The following EIF4G3 variants were observed in gnomAD, a reference collection of about 807,000 sequenced individuals.
EIF4G3 encodes the protein eIF-4-gamma 3.
A neutral mutation model predicts 186.4 loss-of-function variants in EIF4G3; 34 were observed. The ratio of observed to expected loss-of-function variants is 0.18; its 90% CI spans 0.14 to 0.24. EIF4G3 has a LOEUF of 0.24. Among genes scored for constraint, EIF4G3 ranks in the 10% least tolerant of loss-of-function variants. EIF4G3 has a pLI of 1.00. For missense variants in EIF4G3, 1,536 were observed against 1,948.5 expected, an observed-to-expected ratio of 0.79 and a Z score of 3.99; for synonymous variants, 673 against 679.5, an observed-to-expected ratio of 0.99 and a Z score of 0.15.
intron 17 of EIF4G3, among the ~76,000 whole-genome samples, chr1:20,895,044 A>G (rs2087490361): frequency 1.3e-5 from 2 of 152,188 alleles, no homozygotes; most frequent in African/African-American, 4.8e-5. Context: ...CAATGAGGAA[A>G]GACCTCCGTA....
At chr1:20,981,308 C>G in intron 8 of EIF4G3, 81 bp from the exon 9 acceptor site, 1 of 924,458 alleles carries the variant, frequency 1.1e-6, no homozygotes, top group Non-Finnish European at 1.5e-6. Context: ...CTTTTCTTCA[C>G]TAATAAAAAT....
At chr1:20,948,381 C>G (rs2096061646) in intron 13 of EIF4G3, among the ~76,000 whole-genome samples, 1 of 152,154 alleles carries the variant, frequency 6.6e-6, no homozygotes, top group African/African-American at 2.4e-5. Context: ...CAAAATGTTG[C>G]TGAAAGAAGT....
chr1:20,938,508 T>A (rs2095593678), intron 14 of EIF4G3, among the ~76,000 whole-genome samples: 1 of 152,200 alleles, frequency 6.6e-6, no homozygotes, highest in African/African-American at 2.4e-5. Context: ...GTAAAAACTA[T>A]TCTCAAAAGT....
Position 20,840,969 on chromosome 1 carries a change from T to C in EIF4G3, c.3948A>G (p.Arg1316=), listed in dbSNP as rs1206361087. ...NAQGLLHVFV[R]VGVESTLERS... ...TTTCCAGGGTGGACTCCACTCCCACTCTCACAAAAACATGTAGTAGGCCCT... is the reference window on the plus strand; with the variant it reads ...TTTCCAGGGTGGACTCCACTCCCACCCTCACAAAAACATGTAGTAGGCCCT... The change falls in exon 30 of 37, where the codon AGA becomes AGG. Residue 1316 remains arginine (R), a synonymous_variant. Coordinates refer to ENST00000602326, the MANE Select transcript of EIF4G3 (RefSeq NM_001391906.1). The C allele has an allele frequency of 6.2e-7, 1 of 1,613,984 alleles. No individual in the cohort carries two copies. Among genetic ancestry groups the C allele is most frequent in the African/African-American group, 1.3e-5 (1 of 74,916 alleles).
At chr1:21,117,738 A>G (rs940453627) in intron 2 of EIF4G3, among the ~76,000 whole-genome samples, 1 of 51,240 alleles carries the variant, frequency 2.0e-5, no homozygotes, top group Non-Finnish European at 5.3e-5. Context: ...GTATATAGTA[A>G]AAAAAAAAAA....
chr1:21,163,050 C>T (rs2097791848), intron 2 of EIF4G3, among the ~76,000 whole-genome samples: 1 of 152,156 alleles, frequency 6.6e-6, no homozygotes, highest in Admixed American at 6.5e-5. Context: ...ATCACTGGCT[C>T]ATGGTGGCAC....
chr1:20,982,763 T>G (rs1310678234), intron 7 of EIF4G3, among the ~76,000 whole-genome samples: 1 of 152,204 alleles, frequency 6.6e-6, no homozygotes, highest in Non-Finnish European at 1.5e-5. Context: ...GATCACCCAT[T>G]TCATGATCTG....
chr1:20,990,250 C>T lies in EIF4G3; in HGVS notation c.177+7351G>A, dbSNP rs551563514. Among the ~76,000 whole-genome samples, 20 of 152,254 alleles carry T rather than the reference C, an allele frequency of 1.3e-4. 1 individual carries two copies. In the South Asian group the frequency reaches 4.1e-3, roughly 32 times the overall value. On this transcript the variant is annotated intron_variant, in intron 7 of 36. Coordinates refer to ENST00000602326, the MANE Select transcript of EIF4G3 (RefSeq NM_001391906.1). ...TTTGTCTTATTTCAAGAAATTGCCA[C>T]AGCCATCTCAATCCTCAGCAACCAC...
rs141707021 is a variant in EIF4G3, at chr1:21,170,341, T to C, written c.-272+5834A>G. Among the ~76,000 whole-genome samples, 295 of 152,104 alleles carry C rather than the reference T, an allele frequency of 1.9e-3. 2 individuals are homozygous for C. Among genetic ancestry groups the C allele is most frequent in the African/African-American group, 6.7e-3 (280 of 41,488 alleles). ...TACATTCTATTAACAAAATTCAATG[T>C]CTTATAAAGTCAGGCAGCACACAGT... is the stretch of plus-strand genomic sequence containing the variant. On this transcript the variant is annotated intron_variant, in intron 2 of 36. Transcript: ENST00000602326.
At chr1:20,906,065 T>G (rs1416274674) in intron 14 of EIF4G3, among the ~76,000 whole-genome samples, 2 of 152,202 alleles carry the variant, frequency 1.3e-5, no homozygotes, top group Non-Finnish European at 2.9e-5. Context: ...TGTACCATCT[T>G]AAAAAATACT....
intron 3 of EIF4G3, among the ~76,000 whole-genome samples, chr1:21,068,807 T>G (rs761125621): frequency 4.6e-5 from 7 of 152,194 alleles, no homozygotes; most frequent in Non-Finnish European, 7.3e-5. Context: ...AGATTGAGTA[T>G]CCCTATCTGA....
intron 13 of EIF4G3, among the ~76,000 whole-genome samples, chr1:20,947,445 T>TA (rs527905125): frequency 1.2e-3 from 167 of 142,314 alleles, no homozygotes; most frequent in African/African-American, 1.6e-3. Context: ...TAAATTTGGT[T>TA]AAAAAAAAAA....
At chr1:21,082,153 G>A (rs969959954) in intron 3 of EIF4G3, among the ~76,000 whole-genome samples, 2 of 147,208 alleles carry the variant, frequency 1.4e-5, no homozygotes, top group African/African-American at 2.5e-5. Context: ...GTAAAATGAC[G>A]GACATTAGTG....
At chr1:21,117,588 G>A (rs571636510) in intron 2 of EIF4G3, among the ~76,000 whole-genome samples, 1 of 151,838 alleles carries the variant, frequency 6.6e-6, no homozygotes, top group South Asian at 2.1e-4. Context: ...TGCAAAGTAT[G>A]AATAATAAGA....
At chr1:21,123,300 A>G (rs977140459) in intron 2 of EIF4G3, among the ~76,000 whole-genome samples, 2 of 152,030 alleles carry the variant, frequency 1.3e-5, no homozygotes, top group African/African-American at 2.4e-5. Flanking sequence ...CGGTGGCTCA[A>G]GCCTGTAATC....
At chr1:21,153,131 A>G (rs1449289280) in intron 2 of EIF4G3, among the ~76,000 whole-genome samples, 1 of 152,186 alleles carries the variant, frequency 6.6e-6, no homozygotes, top group African/African-American at 2.4e-5. Context: ...TTCTTCCCAC[A>G]GTTCTCCTGA....
At chr1:21,081,287 C>A (rs2095773706) in intron 3 of EIF4G3, among the ~76,000 whole-genome samples, 1 of 152,110 alleles carries the variant, frequency 6.6e-6, no homozygotes, top group Admixed American at 6.5e-5. Context: ...AAAAAATTAG[C>A]TGGGCATGGA....
chr1:20,894,438 A>C (rs941090017), intron 17 of EIF4G3, among the ~76,000 whole-genome samples: 3 of 152,218 alleles, frequency 2.0e-5, no homozygotes, highest in Non-Finnish European at 2.9e-5. Flanking sequence ...TACCACCAAT[A>C]GAAGTAAGAA....
chr1:20,892,653 A>G, intron 18 of EIF4G3: 1 of 1,536,120 alleles, frequency 6.5e-7, no homozygotes, highest in Non-Finnish European at 8.7e-7. Flanking sequence ...TGGGTGTGAC[A>G]TCACCAGTGG....
Sources: allele counts gnomAD v4.1 joint callset (sites outside exome capture counted in the v4.1 genomes callset), GRCh38; gene constraint gnomAD v4.1.1; transcripts MANE v1.5; gene names NCBI Gene and HGNC (gene_info 2026-07-23, HGNC 2026-07-21).